ANKRD13B: variants seen among roughly 807,000 people sequenced by gnomAD.
ANKRD13B encodes ankyrin repeat domain-containing protein 13B.
Under a neutral mutation model 74.4 loss-of-function variants are expected in ANKRD13B, and 33 were observed. That is an observed-to-expected ratio of 0.44 (90% CI 0.34 to 0.59). The LOEUF (loss-of-function observed/expected upper bound fraction) is 0.59. Among genes scored for constraint, ANKRD13B ranks in the 20% least tolerant of loss-of-function variants. The pLI is 0.02. For missense variants in ANKRD13B, 676 were observed against 877.9 expected (o/e 0.77, Z 2.91); for synonymous variants, 341 against 362.9 (o/e 0.94, Z 0.68).
At chr17:29,602,137 T>A (rs978638098) in intron 1 of ANKRD13B, among the ~76,000 whole-genome samples, 2 of 152,224 alleles carry the variant, frequency 1.3e-5, no homozygotes, top group South Asian at 4.1e-4. Flanking sequence ...GGCTCACGCC[T>A]GTAATCCCAG....
Position 29,604,543 on chromosome 17 carries a change from TTTTC to T in ANKRD13B, c.115-3195_115-3192del, listed in dbSNP as rs555701169. On this transcript the variant is annotated intron_variant, in intron 1 of 14. Coordinates refer to ENST00000394859, the MANE Select transcript of ANKRD13B (RefSeq NM_152345.5). ...AATTTTTCTTTTTCTTTTTCTTTTC[TTTTC>T]TTTTTTTTTTTTGAGATGGAGTCTT... Among the ~76,000 whole-genome samples the T allele has an allele frequency of 9.7e-3, 1,447 of 148,598 alleles. 25 individuals carry two copies. The highest frequency in any genetic ancestry group is 0.035 in the African/African-American group (1,395 of 39,612).
At position 29,609,759 on chromosome 17, in the gene ANKRD13B, G is replaced by A. The variant is rs1328656764; in HGVS notation, c.822+338G>A. ...CTTCACAACAACCCCAGGAAGTAGG[G>A]ATGATCGGTCCATTTTATGATGAGG... On this transcript the variant is annotated intron_variant, in intron 7 of 14. Coordinates refer to ENST00000394859, the MANE Select transcript of ANKRD13B (RefSeq NM_152345.5). This position sits in a 1 kb window ranked among gnomAD's most constrained non-coding sequence, Gnocchi z 4.0. 2.0e-5 allele frequency among the ~76,000 whole-genome samples: 3 copies of A among 152,196 alleles called. No homozygotes were observed. The highest frequency in any genetic ancestry group is 4.4e-5 in the Non-Finnish European group (3 of 68,046).
In ANKRD13B at chr17:29,612,993, T is replaced by C. The variant is rs1287271403; in HGVS notation, c.1652+30T>C. The C allele has an allele frequency of 6.3e-7, 1 of 1,585,688 alleles. No homozygotes were observed. The highest frequency in any genetic ancestry group is 8.5e-7 in the Non-Finnish European group (1 of 1,173,844). ...GTGCCCGCTGGGCCGGAGAGAATCC[T>C]CCGGAGAGGATCCTGTCTCCCCTAA... On this transcript the variant is annotated intron_variant, in intron 14 of 14. Transcript: ENST00000394859. This position sits in a 1 kb window ranked among gnomAD's most constrained non-coding sequence, Gnocchi z 6.1.
At chr17:29,606,606 T>C (rs541633044) in intron 1 of ANKRD13B, among the ~76,000 whole-genome samples, 5 of 151,742 alleles carry the variant, frequency 3.3e-5, no homozygotes, top group Admixed American at 2.6e-4. Context: ...TTAACAAACA[T>C]GCTTTCTAAG....
In ANKRD13B at chr17:29,613,411, T is replaced by C; in HGVS notation, c.1710T>C (p.Pro570=). The C allele has an allele frequency of 6.6e-7, 1 of 1,512,036 alleles. No homozygotes were observed. Among genetic ancestry groups the C allele is most frequent in the Non-Finnish European group, 8.8e-7 (1 of 1,134,634 alleles). The allele number at this position is 1,512,036 out of a possible 1,614,324, so 93.7% of individuals were successfully genotyped here. ...CGCCCCCGGCGTCAGTGCCCAGCCCTCGGCCCAGCTCAGGGCCAGGTTCCG... is the reference window on the plus strand; with the variant it reads ...CGCCCCCGGCGTCAGTGCCCAGCCCCCGGCCCAGCTCAGGGCCAGGTTCCG... ...QPAPPASVPS[P]RPSSGPGSGG... The change falls in exon 15 of 15, where the codon CCT becomes CCC. Residue 570 remains proline, a synonymous_variant. Coordinates refer to ENST00000394859, the MANE Select transcript of ANKRD13B (RefSeq NM_152345.5).
chr17:29,609,410 T>A lies in ANKRD13B; in HGVS notation c.811T>A (p.Tyr271Asn). 1.2e-6 allele frequency: 2 copies of A among 1,613,258 alleles called. No individual in the cohort carries two copies. Among genetic ancestry groups the A allele is most frequent in the Non-Finnish European group, 8.5e-7 (1 of 1,179,990 alleles). The change falls in exon 7 of 15, where the codon TAT (tyrosine) becomes AAT (asparagine). Residue 271 changes from tyrosine (Y) to asparagine (N), a missense_variant. Around this residue, in one of 4 missense-constraint regions of ANKRD13B, gnomAD observed 328 missense variants for 518.4 expected, o/e 0.63. Transcript: ENST00000394859. This position sits in a 1 kb window ranked among gnomAD's most constrained non-coding sequence, Gnocchi z 4.0. ...TGAAAAGACGGAGATGGTGAATGGG[T>A]ATGAAGCTAAGGTGAGGCTGCAGCT... is the stretch of plus-strand genomic sequence containing the variant. ...RSEKTEMVNG[Y>N]EAKVYGASNV... is the part of the protein sequence containing the mutation.
At chr17:29,606,237 G>C (rs917626733) in intron 1 of ANKRD13B, among the ~76,000 whole-genome samples, 20 of 150,536 alleles carry the variant, frequency 1.3e-4, no homozygotes, top group African/African-American at 4.6e-4. Context: ...TTAACCAGAA[G>C]TCCTAGACTC....
At chr17:29,604,416 C>T (rs757078276) in intron 1 of ANKRD13B, among the ~76,000 whole-genome samples, 1 of 151,934 alleles carries the variant, frequency 6.6e-6, no homozygotes, top group Non-Finnish European at 1.5e-5. Context: ...GGTATGTTGC[C>T]CAGGCTGGTC....
intron 1 of ANKRD13B, among the ~76,000 whole-genome samples, chr17:29,607,483 G>C (rs1029356977): frequency 6.6e-6 from 1 of 152,234 alleles, no homozygotes. Context: ...AGGAAGGGAG[G>C]AAGCCCTCCC....
chr17:29,610,616 G>C, intron 7 of ANKRD13B, 69 bp from the exon 8 acceptor site: 2 of 1,462,096 alleles, frequency 1.4e-6, no homozygotes, highest in Admixed American at 3.8e-5. Context: ...AGTGTTCCCA[G>C]TGCCCTTAGG....
chr17:29,593,542 C>A lies in ANKRD13B; in HGVS notation c.-80C>A, dbSNP rs2033839862. ...GCGAGCAGGCAGCGCCGGCCCCCCG[C>A]CCCGCGGCCCCGGGCCCCGGCTCCG... On this transcript the variant is annotated 5_prime_UTR_variant, in exon 1 of 15. Transcript: ENST00000394859. The A allele has an allele frequency of 1.8e-6, 1 of 555,654 alleles. No homozygotes were observed. Among genetic ancestry groups the A allele is most frequent in the Non-Finnish European group, 2.3e-6 (1 of 431,416 alleles). 34.4% of individuals were successfully genotyped at this position (555,654 alleles called of 1,614,324 possible).
In ANKRD13B at chr17:29,608,471, G is replaced by A. The variant is rs1425767199; in HGVS notation, c.421+231G>A. 1.3e-5 allele frequency among the ~76,000 whole-genome samples: 2 copies of A among 152,124 alleles called. No homozygotes were observed. Among genetic ancestry groups the A allele is most frequent in the South Asian group, 2.1e-4 (1 of 4,828 alleles). ...TTGCTTACTGTATTCATGACCTGCC[G>A]CTCCTTGTTAGAAGGTAAGCTCTGA... On this transcript the variant is annotated intron_variant, in intron 4 of 14. Transcript: ENST00000394859. The surrounding 1 kb of genome is among the most constrained non-coding windows in gnomAD (Gnocchi z 6.4).
chr17:29,612,743 GGAC>G lies in ANKRD13B; in HGVS notation c.1516_1518del (p.Asp506del), dbSNP rs760491217. 14 of 1,601,724 alleles carry G rather than the reference GGAC, an allele frequency of 8.7e-6. No individual in the cohort carries two copies. Among genetic ancestry groups the G allele is most frequent in the Middle Eastern group, 1.7e-4 (1 of 6,042 alleles). ...GCGGCCAGCGGGAGGCGGCGACCCG[GGAC>G]GACGACGACGACCTGCTGCAATTCG... is the stretch of plus-strand genomic sequence containing the variant. On this transcript the variant is annotated inframe_deletion, in exon 13 of 15. Transcript: ENST00000394859. The surrounding 1 kb of genome is among the most constrained non-coding windows in gnomAD (Gnocchi z 6.1).
intron 1 of ANKRD13B, among the ~76,000 whole-genome samples, chr17:29,605,921 T>G (rs983927390): frequency 6.6e-6 from 1 of 150,584 alleles, no homozygotes; most frequent in Non-Finnish European, 1.5e-5. Flanking sequence ...CACTGTTCCT[T>G]TTTTTTTTGA....
chr17:29,611,572 C>T lies in ANKRD13B; in HGVS notation c.905-7C>T, dbSNP rs751238483. The stretch of plus-strand genomic sequence containing the variant: ...CGGTGTCCTCTGAGATGCCACATTT[C>T]TTGTAGGCTGTAAGACACCTTTGCA... On this transcript the variant is annotated splice_region_variant and splice_polypyrimidine_tract_variant and intron_variant, in intron 8 of 14. Coordinates refer to ENST00000394859, the MANE Select transcript of ANKRD13B (RefSeq NM_152345.5). The surrounding 1 kb of genome is among the most constrained non-coding windows in gnomAD (Gnocchi z 4.3). 6.2e-7 allele frequency: 1 copy of T among 1,614,114 alleles called. No homozygotes were observed. The highest frequency in any genetic ancestry group is 8.5e-7 in the Non-Finnish European group (1 of 1,179,988).
chr17:29,601,221 A>G (rs1242482909), intron 1 of ANKRD13B, among the ~76,000 whole-genome samples: 1 of 127,078 alleles, frequency 7.9e-6, no homozygotes, highest in East Asian at 2.3e-4. Flanking sequence ...CCAGCCTGAC[A>G]TTCTTTTTTT....
Position 29,612,131 on chromosome 17 carries a change from G to C in ANKRD13B, c.1116G>C (p.Leu372=), listed in dbSNP as rs1423174019. The part of the protein sequence containing the change: ...TTKTQKFKAK[L]WLCEEHPLSL... Reference sequence around the variant, plus strand: ...GTGGGGGCAGGTTCAAGGCCAAGCTGTGGCTGTGTGAGGAGCATCCCCTGT... The same window carrying C: ...GTGGGGGCAGGTTCAAGGCCAAGCTCTGGCTGTGTGAGGAGCATCCCCTGT... The change falls in exon 11 of 15, where the codon CTG becomes CTC. Residue 372 remains leucine, a synonymous_variant. Transcript: ENST00000394859. This position sits in a 1 kb window ranked among gnomAD's most constrained non-coding sequence, Gnocchi z 6.1. 6.2e-7 allele frequency: 1 copy of C among 1,614,166 alleles called. No homozygotes were observed. The highest frequency in any genetic ancestry group is 8.5e-7 in the Non-Finnish European group (1 of 1,180,012).
At chr17:29,596,354 G>C (rs2033954754) in intron 1 of ANKRD13B, among the ~76,000 whole-genome samples, 1 of 152,230 alleles carries the variant, frequency 6.6e-6, no homozygotes, top group South Asian at 2.1e-4. Flanking sequence ...TGCCAGCCCG[G>C]TGCCCTGCTT....
chr17:29,611,486 C>A lies in ANKRD13B; in HGVS notation c.905-93C>A. 1 of 1,381,284 alleles carries A rather than the reference C, an allele frequency of 7.2e-7. No individual in the cohort carries two copies. Among genetic ancestry groups the A allele is most frequent in the African/African-American group, 1.4e-5 (1 of 70,272 alleles). 85.6% of individuals were successfully genotyped at this position (1,381,284 alleles called of 1,614,324 possible). On this transcript the variant is annotated intron_variant, in intron 8 of 14. Coordinates refer to ENST00000394859, the MANE Select transcript of ANKRD13B (RefSeq NM_152345.5). The surrounding 1 kb of genome is among the most constrained non-coding windows in gnomAD (Gnocchi z 4.3). ...AGCAGGCCCCACCCCAGGAACCGGC[C>A]TCCTCCCTAGGTCTTGGGTGCTGTC...
Sources: gnomAD v4.1 joint callset for allele counts (sites outside exome capture counted in the v4.1 genomes callset) on GRCh38, gnomAD v4.1.1 for gene constraint, gnomAD v4.1.1 regional missense constraint, Gnocchi (gnomAD v3.1) non-coding constraint, MANE v1.5 for transcripts, NCBI Gene and HGNC (gene_info 2026-07-23, HGNC 2026-07-21) for gene names.